The following TSEN34 variants were observed in gnomAD, a reference collection of about 807,000 sequenced individuals.
The protein encoded by TSEN34 is tRNA-splicing endonuclease subunit Sen34.
Under a neutral mutation model 30.2 loss-of-function variants are expected in TSEN34, and 25 were observed. The ratio of observed to expected loss-of-function variants is 0.83; its 90% confidence interval spans 0.60 to 1.16. The LOEUF is 1.16. Ranked by LOEUF, TSEN34 falls within the 50% of genes most tolerant of loss-of-function variation. The pLI, the probability that TSEN34 is intolerant of heterozygous loss-of-function variation, is 0.00. For synonymous variants in TSEN34, 209 were observed against 177.4 expected (o/e 1.18, Z -1.41); for missense variants, 475 against 411.9 (o/e 1.15, Z -1.33).
chr19:54,190,676 G>C (rs1379143232), upstream of TSEN34: 4 of 1,238,432 alleles, frequency 3.2e-6, no homozygotes, highest in Non-Finnish European at 4.0e-6. Context: ...GAGAACACCC[G>C]AACGTCAAAT....
At chr19:54,191,659 C>T (rs574144883) in intron 1 of TSEN34, 52 bp downstream of exon 1, 3 of 1,610,474 alleles carry the variant, frequency 1.9e-6, no homozygotes, top group South Asian at 1.1e-5. Context: ...ACCTGGGAGT[C>T]AAGTTTCCTG....
At chr19:54,189,930 G>A, upstream of TSEN34, 1 of 291,298 alleles carries the variant, frequency 3.4e-6, no homozygotes, top group East Asian at 8.3e-5. Flanking sequence ...GCCGGATGTG[G>A]GTGGGGCCAC....
intron 3 of TSEN34, among the ~76,000 whole-genome samples, chr19:54,192,803 G>A (rs1005887278): frequency 2.6e-5 from 4 of 152,138 alleles, no homozygotes; most frequent in Non-Finnish European, 5.9e-5. Context: ...TCAGGAGTTT[G>A]ATACCAGTCT....
intron 1 of TSEN34, 54 bp downstream of exon 1, chr19:54,191,661 A>G: frequency 6.2e-7 from 1 of 1,610,984 alleles, no homozygotes; most frequent in South Asian, 1.1e-5. Flanking sequence ...CTGGGAGTCA[A>G]GTTTCCTGGC....
upstream of TSEN34, chr19:54,191,196 G>A (rs2076671903): frequency 7.2e-7 from 1 of 1,388,896 alleles, no homozygotes; most frequent in Non-Finnish European, 9.3e-7. Context: ...CGGGGGCGGG[G>A]CCTGGCGCTC....
rs936504772 is a variant in TSEN34 at position 54,193,927 on chromosome 19, C to G, written c.*565C>G. 2 of 517,638 alleles carry G rather than the reference C, an allele frequency of 3.9e-6. No individual in the cohort carries two copies. The highest frequency in any genetic ancestry group is 6.8e-6 in the Non-Finnish European group (2 of 292,454). The allele number at this position is 517,638 out of a possible 1,614,324, so 32.1% of individuals were successfully genotyped here. ...TATAAATAAAAATATAGGCTGGGCA[C>G]GATGACCCACACCTGTAATCCCACA... On this transcript the variant is annotated 3_prime_UTR_variant, in exon 4 of 4. Transcript: ENST00000396388.
At chr19:54,190,206 G>T, upstream of TSEN34, 1 of 652,620 alleles carries the variant, frequency 1.5e-6, no homozygotes. Flanking sequence ...CGCGGGAGGA[G>T]GGCGGGGCTT....
At position 54,191,798 on chromosome 19, in the gene TSEN34, CCGT is replaced by C; in HGVS notation, c.326_328del (p.Arg109del). On this transcript the variant is annotated inframe_deletion, in exon 2 of 4. Coordinates refer to ENST00000396388, the MANE Select transcript of TSEN34 (RefSeq NM_001077446.4). Reference sequence around the variant, plus strand: ...CCTTGGCAGCTGAGGCCCGGGAGACCCGTCGTCAGGAGCTCCTGGAGAAGATTA... The same window carrying C: ...CCTTGGCAGCTGAGGCCCGGGAGACCCGTCAGGAGCTCCTGGAGAAGATTA... 1 of 1,614,182 alleles carries C rather than the reference CCGT, an allele frequency of 6.2e-7. No homozygotes were observed. The highest frequency in any genetic ancestry group is 8.5e-7 in the Non-Finnish European group (1 of 1,180,046).
At chr19:54,193,152 C>T (rs1307526286) in intron 3 of TSEN34, 23 bp from the exon 4 acceptor site, 1 of 1,612,480 alleles carries the variant, frequency 6.2e-7, no homozygotes, top group Non-Finnish European at 8.5e-7. Flanking sequence ...GTCACTGCTT[C>T]AGTGCCTCTC....
upstream of TSEN34, chr19:54,190,314 C>T (rs778861807): frequency 5.2e-5 from 77 of 1,483,688 alleles, no homozygotes; most frequent in Non-Finnish European, 6.7e-5. Flanking sequence ...GAGCAAGGAG[C>T]GCGTGGCGCG....
upstream of TSEN34, chr19:54,191,056 G>A (rs1370849743): frequency 9.5e-6 from 12 of 1,263,474 alleles, no homozygotes; most frequent in South Asian, 2.2e-4. Context: ...GGCAGTGCGG[G>A]CACAGAGCGG....
rs775204637 is a variant in TSEN34 at position 54,191,944 on chromosome 19, C to T, written c.467C>T (p.Ser156Leu). The T allele has an allele frequency of 4.3e-6, 7 of 1,613,948 alleles. No homozygotes were observed. In the South Asian group the frequency reaches 6.6e-5, roughly 15 times the overall value. ...KEDETSDGQASGEQEEAGPSS... is the reference protein window; with the variant it reads ...KEDETSDGQALGEQEEAGPSS... ...GATGAGACCAGTGATGGCCAGGCTT[C>T]GGGAGAGCAGGAGGAAGCTGGTGAG... Residue 156 changes from serine (S) to leucine (L), a missense_variant, in exon 2 of 4, where the codon TCG becomes TTG. By Grantham distance (145) the Ser-to-Leu change is moderately radical (BLOSUM62 -2). Transcript: ENST00000396388.
rs1037810828 is a variant in TSEN34, at chr19:54,194,009, T to C, written c.*647T>C. The C allele has an allele frequency of 6.9e-6, 2 of 290,334 alleles. No homozygotes were observed. Among genetic ancestry groups the C allele is most frequent in the Non-Finnish European group, 1.3e-5 (2 of 155,054 alleles). 18.0% of individuals were successfully genotyped at this position (290,334 alleles called of 1,614,324 possible). A position where few individuals can be genotyped will look rare whatever the true frequency, so the allele number is the denominator to read the frequency against. On this transcript the variant is annotated 3_prime_UTR_variant, in exon 4 of 4. Coordinates refer to ENST00000396388, the MANE Select transcript of TSEN34 (RefSeq NM_001077446.4). ...TTGAGCCCAGGAGTTTGAGACCAGC[T>C]CTGGCAACATTGTAATACCCAGTCT...
chr19:54,189,564 G>A (rs529616682), upstream of TSEN34: 1 of 152,826 alleles, frequency 6.5e-6, no homozygotes, highest in African/African-American at 2.4e-5. Context: ...AACGGGATTC[G>A]AGTCCAGGTC....
chr19:54,191,484 C>G lies in TSEN34; in HGVS notation c.120C>G (p.Pro40=). Residue 40 remains proline (P), a synonymous_variant, in exon 1 of 4, where the codon CCC becomes CCG. Coordinates refer to ENST00000396388, the MANE Select transcript of TSEN34 (RefSeq NM_001077446.4). ...CGGTAGGCGCCCTGCCCCGCGGGCC[C>G]CGCCAGAACTCGCGCCTGGGCCTCC... ...GRTVGALPRG[P]RQNSRLGLPL... The G allele has an allele frequency of 6.4e-7, 1 of 1,559,426 alleles. No homozygotes were observed. The highest frequency in any genetic ancestry group is 8.7e-7 in the Non-Finnish European group (1 of 1,155,806).
chr19:54,191,133 G>A (rs2076666069), upstream of TSEN34: 17 of 1,357,280 alleles, frequency 1.3e-5, no homozygotes, highest in South Asian at 1.8e-4. Flanking sequence ...GAGGGTCGGG[G>A]GCTTGTCTCC....
rs748572155 is a variant in TSEN34 at position 54,191,679 on chromosome 19, G to A, written c.244-42G>A. On this transcript the variant is annotated intron_variant, in intron 1 of 3. Transcript: ENST00000396388. ...GGAGTCAAGTTTCCTGGCTTCTGAA[G>A]GGACCATAAGCTTGGAGGTTCCAGC... 14 of 1,612,874 alleles carry A rather than the reference G, an allele frequency of 8.7e-6. No individual in the cohort carries two copies. In the East Asian group the frequency reaches 1.3e-4, roughly 15 times the overall value.
chr19:54,191,401 GTGTGGGGAGCCGAGGC>G lies in TSEN34; in HGVS notation c.38_53del (p.Val13GlyfsTer16). 1.3e-6 allele frequency: 2 copies of G among 1,549,530 alleles called. No individual in the cohort carries two copies. Among genetic ancestry groups the G allele is most frequent in the Non-Finnish European group, 1.7e-6 (2 of 1,146,984 alleles). On this transcript the variant is annotated frameshift_variant, in exon 1 of 4. Transcript: ENST00000396388. LOFTEE classifies it high-confidence loss of function. ...GGAGGTGGCGAACGGCCGCTCCCTG[GTGTGGGGAGCCGAGGC>G]GGTGCAGGCCCTCCGGGAGCGCCTG...
At position 54,193,443 on chromosome 19, in the gene TSEN34, G is replaced by A. The variant is rs2076783553; in HGVS notation, c.*81G>A. ...TCCCCAGCTCTTCTCTGGGAGTCTA[G>A]AACATCCTCCTACCTTTCTCCGCGG... On this transcript the variant is annotated 3_prime_UTR_variant, in exon 4 of 4. Coordinates refer to ENST00000396388, the MANE Select transcript of TSEN34 (RefSeq NM_001077446.4). 6.3e-7 allele frequency: 1 copy of A among 1,595,378 alleles called. No homozygotes were observed. The highest frequency in any genetic ancestry group is 8.5e-7 in the Non-Finnish European group (1 of 1,171,306).
Sources: gnomAD v4.1 joint callset for allele counts (sites outside exome capture counted in the v4.1 genomes callset) on GRCh38, gnomAD v4.1.1 for gene constraint, MANE v1.5 for transcripts, NCBI Gene and HGNC (gene_info 2026-07-23, HGNC 2026-07-21) for gene names.